Variants in GBP3 observed in about 807,000 individuals in gnomAD.
The protein encoded by GBP3 is guanylate-binding protein 3.
In GBP3, 55 loss-of-function variants were observed where a neutral mutation model predicts 62.4. The ratio of observed to expected loss-of-function variants is 0.88; its 90% confidence interval spans 0.71 to 1.10. GBP3 has a LOEUF of 1.10. GBP3 is among the 50% of genes least tolerant of loss of function. The pLI, the probability that GBP3 is intolerant of heterozygous loss-of-function variation, is 0.00. For missense variants in GBP3, 605 were observed against 690.6 expected, an observed-to-expected ratio of 0.88 and a Z score of 1.39; for synonymous variants, 208 against 259.2, an observed-to-expected ratio of 0.80 and a Z score of 1.90.
In GBP3 at chr1:89,009,247, A is replaced by G. The variant is rs1678416930; in HGVS notation, c.1466-107T>C. ...CTGACTGCATATGCCCTACTCAGAG[A>G]TGACCTCAACAAGTAAGACATGTCT... On this transcript the variant is annotated intron_variant, in intron 9 of 10. Coordinates refer to ENST00000370481, the MANE Select transcript of GBP3 (RefSeq NM_018284.3). 3.6e-6 allele frequency: 5 copies of G among 1,377,098 alleles called. No homozygotes were observed. The African/African-American group carries it at 7.2e-5, about 20-fold the overall frequency. The allele number at this position is 1,377,098 out of a possible 1,614,324, so 85.3% of individuals were successfully genotyped here.
intron 1 of GBP3, among the ~76,000 whole-genome samples, chr1:89,021,510 G>GCGCGCGCGCGCGCGCGCGCACACACA (rs751639388): frequency 3.0e-5 from 4 of 131,668 alleles, no homozygotes; most frequent in African/African-American, 1.2e-4. Context: ...GCGCGCGCGC[G>GCGCGCGCGCGCGCGCGCGCACACACA]CACACACACA....
Position 89,010,988 on chromosome 1 carries a change from C to T in GBP3, c.1278G>A (p.Ser426=), listed in dbSNP as rs753765874. The change falls in exon 8 of 11, where the codon TCG becomes TCA. Residue 426 remains serine (S), a synonymous_variant. Transcript: ENST00000370481. ...LEEEVKAGIY[S]KPGGYCLFIQ... ...TAAAGAGACAATAGCCCCCTGGTTT[C>T]GAATAAATTCCCGCCTTCACTTCTT... 4.1e-5 allele frequency: 60 copies of T among 1,461,488 alleles called. 10 individuals carry two copies. Among genetic ancestry groups the T allele is most frequent in the East Asian group, 3.9e-4 (17 of 43,214 alleles). The allele number at this position is 1,461,488 out of a possible 1,614,324, so 90.5% of individuals were successfully genotyped here.
chr1:89,007,972 C>T (rs1226072252), intron 10 of GBP3, 120 bp from the exon 11 acceptor site: 3 of 875,186 alleles, frequency 3.4e-6, no homozygotes, highest in Non-Finnish European at 5.0e-6. Flanking sequence ...ATTTTCTCTA[C>T]CCTTGATTTT....
chr1:89,011,243 CA>C (rs1678555445), intron 7 of GBP3, 127 bp from the exon 8 acceptor site: 1 of 1,192,354 alleles, frequency 8.4e-7, no homozygotes, highest in African/African-American at 1.4e-5. Flanking sequence ...GACTCCTCAG[CA>C]GGACCACGCT....
Position 89,011,985 on chromosome 1 carries a change from C to G in GBP3, c.911G>C (p.Arg304Thr), listed in dbSNP as rs1678597799. The stretch of plus-strand genomic sequence containing the variant: ...GTTCTCCATGCAGGGCAGATCCCCT[C>G]TGCTGATAGCATTGATATAGGTCAG... ...LVLTYINAIS[R>T]GDLPCMENAV... The change falls in exon 7 of 11, where the codon AGA becomes ACA. Residue 304 changes from arginine (R) to threonine (T), a missense_variant. Around this residue, in one of 3 missense-constraint regions of GBP3, gnomAD observed 137 missense variants for 224.7 expected, o/e 0.61. Transcript: ENST00000370481. 6.8e-6 allele frequency: 10 copies of G among 1,462,434 alleles called. 3 individuals are homozygous for G. Among genetic ancestry groups the G allele is most frequent in the South Asian group, 1.2e-5 (1 of 84,740 alleles). 90.6% of individuals were successfully genotyped at this position (1,462,434 alleles called of 1,614,324 possible). A position where few individuals can be genotyped will look rare whatever the true frequency, so the allele number is the denominator to read the frequency against.
intron 5 of GBP3, 40 bp downstream of exon 5, chr1:89,014,043 G>T: frequency 6.3e-7 from 1 of 1,588,312 alleles, no homozygotes; most frequent in Non-Finnish European, 8.6e-7. Context: ...AATTTCTAGT[G>T]TTTTGTCGTC....
rs1479394346 is a variant in GBP3, at chr1:89,008,969, T to C, written c.1637A>G (p.Lys546Arg). The C allele has an allele frequency of 1.2e-6, 2 of 1,614,166 alleles. No individual in the cohort carries two copies. Among genetic ancestry groups the C allele is most frequent in the South Asian group, 2.2e-5 (2 of 91,086 alleles). Reference sequence around the variant, plus strand: ...TACCTGAAGTTTACTAGTGAGGGTCTTCTCTTGCTCTTCCAGCAACTGGGC... The same window carrying C: ...TACCTGAAGTTTACTAGTGAGGGTCCTCTCTTGCTCTTCCAGCAACTGGGC... ...ERAQLLEEQE[K>R]TLTSKLQEQA... is the part of the protein sequence containing the mutation. The change falls in exon 10 of 11, where the codon AAG becomes AGG. Residue 546 changes from lysine (K) to arginine (R), a missense_variant. Lys to Arg is a conservative substitution (Grantham distance 26, BLOSUM62 2). Around this residue, in one of 3 missense-constraint regions of GBP3, gnomAD observed 160 missense variants for 147.8 expected, o/e 1.08. Coordinates refer to ENST00000370481, the MANE Select transcript of GBP3 (RefSeq NM_018284.3).
intron 10 of GBP3, among the ~76,000 whole-genome samples, chr1:89,008,292 C>G (rs528738456): frequency 6.6e-6 from 1 of 151,286 alleles, no homozygotes; most frequent in Non-Finnish European, 1.5e-5. Flanking sequence ...TGATCTAAGT[C>G]TCTACTCCCT....
chr1:89,013,769 AC>A (rs1444569626), intron 5 of GBP3: 16 of 405,992 alleles, frequency 3.9e-5, no homozygotes, highest in Middle Eastern at 6.7e-4. Context: ...AGAATCACGA[AC>A]CCTACATAAG....
At chr1:89,015,993 G>T (rs1011335248) in intron 2 of GBP3, among the ~76,000 whole-genome samples, 3 of 152,152 alleles carry the variant, frequency 2.0e-5, no homozygotes, top group Non-Finnish European at 2.9e-5. Context: ...TGGAAAGGAA[G>T]ATGTAAAATA....
Position 89,015,299 on chromosome 1 carries a change from T to C in GBP3, c.306A>G (p.Gly102=). The part of the protein sequence containing the change: ...TLVLLDTEGL[G]DVKKGDNQND... ...CTTTGACCCTTACCTTCTTTACATC[T>C]CCCAGGCCCTCAGTGTCAAGCAGGA... is the stretch of plus-strand genomic sequence containing the variant. Residue 102 remains glycine (G), a synonymous_variant, in exon 3 of 11, where the codon GGA becomes GGG. Transcript: ENST00000370481. The C allele has an allele frequency of 6.2e-7, 1 of 1,608,438 alleles. No individual in the cohort carries two copies. The highest frequency in any genetic ancestry group is 8.5e-7 in the Non-Finnish European group (1 of 1,177,886).
Position 89,021,073 on chromosome 1 carries a change from G to A in GBP3, c.-22-330C>T, listed in dbSNP as rs181102527. ...ATATAGAGAATTTTTTTTACATCCT[G>A]GCTATATGTAAGAAATTAAATATTG... is the stretch of plus-strand genomic sequence containing the variant. On this transcript the variant is annotated intron_variant, in intron 1 of 10. Transcript: ENST00000370481. 3.9e-5 allele frequency among the ~76,000 whole-genome samples: 6 copies of A among 152,168 alleles called. No homozygotes were observed. In the East Asian group the frequency reaches 1.2e-3, roughly 29 times the overall value.
chr1:89,013,906 C>CT (rs1265029641), intron 5 of GBP3, 177 bp downstream of exon 5: 1 of 605,234 alleles, frequency 1.7e-6, no homozygotes, highest in African/African-American at 1.9e-5. Flanking sequence ...GCATTCATTC[C>CT]TTTTTTCCTT....
intron 10 of GBP3, chr1:89,008,719 G>C: frequency 1.4e-6 from 1 of 708,230 alleles, no homozygotes; most frequent in Non-Finnish European, 2.3e-6. Flanking sequence ...GCCGTAAGTG[G>C]AAGGATACAC....
Position 89,010,754 on chromosome 1 carries a change from C to T in GBP3, c.1362+150G>A. On this transcript the variant is annotated intron_variant, in intron 8 of 10. Transcript: ENST00000370481. ...AGCACCTGGGACATACCTGATATAA[C>T]AGTCTCCCTCCCTGCATATGTTATT... 3 of 1,044,524 alleles carry T rather than the reference C, an allele frequency of 2.9e-6. 1 individual carries two copies. Among genetic ancestry groups the T allele is most frequent in the Admixed American group, 2.2e-5 (1 of 45,236 alleles). 64.7% of individuals were successfully genotyped at this position (1,044,524 alleles called of 1,614,324 possible).
intron 10 of GBP3, chr1:89,008,730 TA>T: frequency 1.2e-6 from 1 of 806,014 alleles, no homozygotes; most frequent in South Asian, 1.9e-5. Flanking sequence ...AAGGATACAC[TA>T]AAACGGGACT....
At chr1:89,013,976 A>C in intron 5 of GBP3, 107 bp downstream of exon 5, 350 of 1,194,914 alleles carry the variant, frequency 2.9e-4, no homozygotes, top group Non-Finnish European at 3.5e-4. Flanking sequence ...ATAGCAAGCT[A>C]GAGATATAGA....
intron 10 of GBP3, among the ~76,000 whole-genome samples, 172 bp from the exon 11 acceptor site, chr1:89,008,024 T>C (rs924195227): frequency 6.6e-6 from 1 of 152,176 alleles, no homozygotes; most frequent in African/African-American, 2.4e-5. Flanking sequence ...TGATTATTTC[T>C]CCTGGGTTTT....
rs1678664935 is a variant in GBP3 at position 89,013,102 on chromosome 1, T to C, written c.868+83A>G. On this transcript the variant is annotated intron_variant, in intron 6 of 10. Transcript: ENST00000370481. ...ATCTGCCCTCCTCGGCCTCCCAAAG[T>C]GCTGGGATTACAGGCATGAACCATC... 4 of 1,465,280 alleles carry C rather than the reference T, an allele frequency of 2.7e-6. No homozygotes were observed. The African/African-American group carries it at 5.6e-5, about 20-fold the overall frequency. The allele number at this position is 1,465,280 out of a possible 1,614,324, so 90.8% of individuals were successfully genotyped here.
Sources: allele counts gnomAD v4.1 joint callset (sites outside exome capture counted in the v4.1 genomes callset), GRCh38; gene constraint gnomAD v4.1.1; regional missense constraint gnomAD v4.1.1; transcripts MANE v1.5; gene names NCBI Gene and HGNC (gene_info 2026-07-23, HGNC 2026-07-21).